Variants in GNAT2 observed in about 807,000 individuals in gnomAD.
GNAT2 encodes G protein subunit alpha transducin 2, also known as guanine nucleotide-binding protein G(t) subunit alpha-2.
In GNAT2, 32 loss-of-function variants were observed where a neutral mutation model predicts 40.9. The observed-to-expected ratio is 0.78, with a 90% CI of 0.59 to 1.05. The LOEUF (loss-of-function observed/expected upper bound fraction) is 1.05, where lower values mean the gene tolerates loss of function less well. GNAT2 is among the 50% of genes least tolerant of loss of function. The pLI is 0.00. For synonymous variants in GNAT2, 141 were observed against 157.2 expected (o/e 0.90, Z 0.77); for missense variants, 355 against 431.5 (o/e 0.82, Z 1.57).
At chr1:109,609,895 C>T in intron 4 of GNAT2, 145 bp downstream of exon 4, 1 of 808,490 alleles carries the variant, frequency 1.2e-6, no homozygotes, top group Non-Finnish European at 2.2e-6. Flanking sequence ...CACAGTACAC[C>T]TAGCAGTGAG....
At position 109,606,280 on chromosome 1, in the gene GNAT2, G is replaced by A. The variant is rs769526367; in HGVS notation, c.590+28C>T. 8 of 1,612,264 alleles carry A rather than the reference G, an allele frequency of 5.0e-6. No individual in the cohort carries two copies. The Admixed American group carries it at 5.0e-5, about 10-fold the overall frequency. On this transcript the variant is annotated intron_variant, in intron 6 of 8. Transcript: ENST00000679935. ...TTTTCAGGATTCCACACGTGTATCC[G>A]AGATGCCCTAGGGAACCATGCACTT... is the stretch of plus-strand genomic sequence containing the variant.
At chr1:109,605,025 T>A (rs1649550269) in intron 7 of GNAT2, 1 of 152,240 alleles carries the variant, frequency 6.6e-6, no homozygotes. Flanking sequence ...ACATTTTGAT[T>A]AGACGATATT....
At chr1:109,618,464 T>C (rs559198447) in intron 1 of GNAT2, 2 of 152,360 alleles carry the variant, frequency 1.3e-5, no homozygotes, top group East Asian at 3.9e-4. Context: ...CTGGCAGCTC[T>C]TTTTAGAAAA....
At chr1:109,618,816 A>G (rs971354875) in intron 1 of GNAT2, among the ~76,000 whole-genome samples, 1 of 152,156 alleles carries the variant, frequency 6.6e-6, no homozygotes, top group Non-Finnish European at 1.5e-5. Flanking sequence ...CCAGGGATCA[A>G]TGGAAGTGGC....
intron 2 of GNAT2, chr1:109,611,033 A>C (rs577196496): frequency 5.9e-5 from 11 of 186,610 alleles, no homozygotes; most frequent in African/African-American, 1.2e-4. Flanking sequence ...TTTTTGAGAC[A>C]GGGTCTCAGG....
At chr1:109,616,588 G>A (rs369545569) in intron 1 of GNAT2, 11 of 152,196 alleles carry the variant, frequency 7.2e-5, no homozygotes, top group African/African-American at 2.2e-4. Flanking sequence ...AAAAACAAAT[G>A]AGTTAAAGGG....
chr1:109,605,270 C>G (rs1649557685), intron 7 of GNAT2: 1 of 153,180 alleles, frequency 6.5e-6, no homozygotes, highest in Non-Finnish European at 1.5e-5. Flanking sequence ...GTTTTTCACG[C>G]CTCTAACTTT....
intron 1 of GNAT2, chr1:109,616,768 C>T (rs928849397): frequency 2.6e-5 from 4 of 152,084 alleles, no homozygotes; most frequent in Non-Finnish European, 5.9e-5. Flanking sequence ...AGCAGAATAA[C>T]AGTGGAAGTG....
chr1:109,605,919 T>C (rs1649577530), intron 7 of GNAT2, 51 bp downstream of exon 7: 3 of 1,563,020 alleles, frequency 1.9e-6, no homozygotes, highest in Non-Finnish European at 2.6e-6. Flanking sequence ...AGAGAAAGGG[T>C]CATGGGGAGA....
chr1:109,614,454 A>G (rs1249650518), intron 1 of GNAT2: 1 of 152,254 alleles, frequency 6.6e-6, no homozygotes, highest in East Asian at 1.9e-4. Context: ...TAATACAGGT[A>G]GTTATCACAT....
At chr1:109,610,654 G>A in intron 2 of GNAT2, 147 bp from the exon 3 acceptor site, 1 of 715,318 alleles carries the variant, frequency 1.4e-6, no homozygotes. Context: ...TCAATTTCTG[G>A]CAGGCTTGAG....
At chr1:109,610,267 T>C in intron 3 of GNAT2, 86 bp from the exon 4 acceptor site, 2 of 1,436,258 alleles carry the variant, frequency 1.4e-6, no homozygotes, top group Non-Finnish European at 2.0e-6. Context: ...TAAAGGATCA[T>C]AAGAATCCTA....
At chr1:109,605,908 T>G in intron 7 of GNAT2, 62 bp downstream of exon 7, 3 of 1,507,340 alleles carry the variant, frequency 2.0e-6, no homozygotes, top group Non-Finnish European at 2.8e-6. Context: ...ACACAAGGCT[T>G]AGAGAAAGGG....
chr1:109,606,921 A>T (rs992838655), intron 5 of GNAT2: 1 of 178,308 alleles, frequency 5.6e-6, no homozygotes, highest in Non-Finnish European at 1.2e-5. Context: ...ATTGTTAACT[A>T]TTTGGGTGTG....
intron 4 of GNAT2, chr1:109,609,317 A>G (rs1430330102): frequency 5.2e-6 from 1 of 190,808 alleles, no homozygotes; most frequent in African/African-American, 2.4e-5. Context: ...GAGCAGCTTT[A>G]TTTTGTAAAT....
intron 1 of GNAT2, chr1:109,617,329 G>A (rs1046868469): frequency 2.6e-5 from 4 of 152,266 alleles, no homozygotes; most frequent in African/African-American, 9.7e-5. Flanking sequence ...ACCATCTTTA[G>A]GGAGCTGGGA....
In GNAT2 at chr1:109,608,762, C is replaced by A. The variant is rs772456624; in HGVS notation, c.330G>T (p.Leu110=). 1 of 1,613,974 alleles carries A rather than the reference C, an allele frequency of 6.2e-7. No individual in the cohort carries two copies. Among genetic ancestry groups the A allele is most frequent in the African/African-American group, 1.3e-5 (1 of 74,922 alleles). The change falls in exon 5 of 9, where the codon CTG becomes CTT. Residue 110 remains leucine (L), a synonymous_variant. Coordinates refer to ENST00000679935, the MANE Select transcript of GNAT2 (RefSeq NM_001377295.2). ...CADDGRQLNN[L]ADSIEEGTMP... is the part of the protein sequence containing the mutation. ...TGGTTCCCTCCTCAATGGAGTCAGC[C>A]AGGTTGTTGAGCTGTCGCCCGTCAT... is the stretch of plus-strand genomic sequence containing the variant.
chr1:109,615,506 G>C (rs534290542), intron 1 of GNAT2: 2 of 152,098 alleles, frequency 1.3e-5, no homozygotes, highest in Admixed American at 1.3e-4. Flanking sequence ...ATGGTGGCAG[G>C]CACCTGTAAT....
intron 5 of GNAT2, chr1:109,607,611 G>T (rs1034848189): frequency 6.6e-5 from 10 of 152,228 alleles, no homozygotes; most frequent in Non-Finnish European, 1.3e-4. Context: ...CCATTTTACA[G>T]ATGGAGAAAT....
Sources: allele counts gnomAD v4.1 joint callset (sites outside exome capture counted in the v4.1 genomes callset), GRCh38; gene constraint gnomAD v4.1.1; transcripts MANE v1.5; gene names NCBI Gene and HGNC (gene_info 2026-07-23, HGNC 2026-07-21).